SLC10A1: variants seen among roughly 807,000 people sequenced by gnomAD.
SLC10A1 encodes solute carrier family 10 member 1.
A neutral mutation model predicts 20.5 loss-of-function variants in SLC10A1; 36 were observed. The ratio of observed to expected loss-of-function variants is 1.75; its 90% confidence interval spans 1.34 to 2.32. The LOEUF is 2.32. Ranked by LOEUF, SLC10A1 falls within the 30% of genes most tolerant of loss-of-function variation. The pLI, the probability that SLC10A1 is intolerant of heterozygous loss-of-function variation, is 0.00. For synonymous variants in SLC10A1, 188 were observed against 163.6 expected (o/e 1.15, Z -1.14); for missense variants, 545 against 439.1 (o/e 1.24, Z -2.16).
chr14:69,781,898 C>T (rs1010895722), intron 2 of SLC10A1, among the ~76,000 whole-genome samples: 1 of 152,206 alleles, frequency 6.6e-6, no homozygotes, highest in African/African-American at 2.4e-5. Context: ...TGAGCAGATA[C>T]CTGCTGCCAG....
chr14:69,792,833 C>CAAAAAAAAAAAAAAAAAAA (rs4646288), intron 1 of SLC10A1, among the ~76,000 whole-genome samples: 1 of 122,234 alleles, frequency 8.2e-6, no homozygotes, highest in Non-Finnish European at 1.8e-5. Flanking sequence ...GCCTATTTCT[C>CAAAAAAAAAAAAAAAAAAA]AAAAAAAAAA....
chr14:69,784,633 C>G (rs909394938), intron 2 of SLC10A1, among the ~76,000 whole-genome samples: 1 of 152,102 alleles, frequency 6.6e-6, no homozygotes, highest in Non-Finnish European at 1.5e-5. Context: ...CAGTGAGAGA[C>G]ACTTTTTGTT....
At chr14:69,786,400 C>T in intron 1 of SLC10A1, 93 bp from the exon 2 acceptor site, 2 of 968,300 alleles carry the variant, frequency 2.1e-6, no homozygotes, top group Admixed American at 2.0e-5. Context: ...GTGCTAAGTG[C>T]TTGACATATG....
intron 2 of SLC10A1, among the ~76,000 whole-genome samples, chr14:69,782,267 T>A (rs1435528860): frequency 6.6e-6 from 1 of 152,226 alleles, no homozygotes; most frequent in Non-Finnish European, 1.5e-5. Context: ...TTTTATGTAG[T>A]CCCTTATTAC....
intron 1 of SLC10A1, among the ~76,000 whole-genome samples, chr14:69,788,038 GT>G (rs1408624074): frequency 6.6e-6 from 1 of 151,918 alleles, no homozygotes; most frequent in African/African-American, 2.4e-5. Flanking sequence ...AAAAAAAAAG[GT>G]GCCCACGGAC....
At chr14:69,789,096 A>ATGAGGATTACT (rs1018283025) in intron 1 of SLC10A1, among the ~76,000 whole-genome samples, 2 of 152,222 alleles carry the variant, frequency 1.3e-5, no homozygotes, top group Non-Finnish European at 2.9e-5. Context: ...AAAATTAGGA[A>ATGAGGATTACT]TCCTCATACA....
chr14:69,788,247 G>A (rs1883767827), intron 1 of SLC10A1, among the ~76,000 whole-genome samples: 1 of 151,356 alleles, frequency 6.6e-6, no homozygotes, highest in African/African-American at 2.4e-5. Flanking sequence ...GAGGGGAGGG[G>A]AACTTTCTAA....
chr14:69,777,578 G>GTTTTTTTTTT (rs4646293), intron 4 of SLC10A1, among the ~76,000 whole-genome samples: 9 of 72,446 alleles, frequency 1.2e-4, no homozygotes, highest in African/African-American at 4.2e-4. Context: ...TGAATGTCCT[G>GTTTTTTTTTT]TTTTTTTTTT....
intron 1 of SLC10A1, among the ~76,000 whole-genome samples, chr14:69,789,389 A>G (rs1353783219): frequency 6.6e-6 from 1 of 152,240 alleles, no homozygotes; most frequent in East Asian, 1.9e-4. Context: ...AAACAAATGA[A>G]GTATTGTGAC....
At chr14:69,791,302 T>A (rs945268087) in intron 1 of SLC10A1, among the ~76,000 whole-genome samples, 21 of 151,804 alleles carry the variant, frequency 1.4e-4, no homozygotes, top group African/African-American at 4.8e-4. Context: ...ATAGCTAACA[T>A]GATTTTTTTT....
intron 1 of SLC10A1, among the ~76,000 whole-genome samples, chr14:69,795,446 C>G (rs1001139692): frequency 6.9e-6 from 1 of 145,708 alleles, no homozygotes; most frequent in African/African-American, 2.6e-5. Context: ...CACTCTGTTG[C>G]CCAGGCTGGA....
At chr14:69,787,275 T>C (rs542997741) in intron 1 of SLC10A1, among the ~76,000 whole-genome samples, 1 of 152,368 alleles carries the variant, frequency 6.6e-6, no homozygotes, top group Admixed American at 6.5e-5. Context: ...ATTTGGAATC[T>C]TATATATGTT....
chr14:69,796,172 G>C (rs771192497), intron 1 of SLC10A1, among the ~76,000 whole-genome samples: 1 of 152,172 alleles, frequency 6.6e-6, no homozygotes, highest in Non-Finnish European at 1.5e-5. Flanking sequence ...CCCTTATCAG[G>C]GTGGCTGAGA....
intron 2 of SLC10A1, among the ~76,000 whole-genome samples, chr14:69,785,340 C>G (rs1883686970): frequency 6.6e-6 from 1 of 152,212 alleles, no homozygotes; most frequent in African/African-American, 2.4e-5. Context: ...TCTTGAAATG[C>G]TGGGAATGGG....
chr14:69,787,399 C>T (rs1883744573), intron 1 of SLC10A1, among the ~76,000 whole-genome samples: 1 of 152,144 alleles, frequency 6.6e-6, no homozygotes, highest in African/African-American at 2.4e-5. Context: ...ATGGCTCTGA[C>T]TTTTATTCCA....
chr14:69,797,203 C>A lies in SLC10A1; in HGVS notation c.-48G>T. 1 of 1,512,322 alleles carries A rather than the reference C, an allele frequency of 6.6e-7. No homozygotes were observed. Among genetic ancestry groups the A allele is most frequent in the Non-Finnish European group, 9.0e-7 (1 of 1,108,964 alleles). 93.7% of individuals were successfully genotyped at this position (1,512,322 alleles called of 1,614,324 possible). A position where few individuals can be genotyped will look rare whatever the true frequency, so the allele number is the denominator to read the frequency against. ...CCACTCCTTGTTCTCCGGCTGACTC[C>A]GTTTCTTGTGCAGTTCTTGCTGGAT... is the stretch of plus-strand genomic sequence containing the variant. On this transcript the variant is annotated 5_prime_UTR_variant, in exon 1 of 5. Coordinates refer to ENST00000216540, the MANE Select transcript of SLC10A1 (RefSeq NM_003049.4).
intron 4 of SLC10A1, among the ~76,000 whole-genome samples, chr14:69,777,804 GTTTCC>G (rs1265136179): frequency 2.6e-5 from 4 of 151,018 alleles, no homozygotes; most frequent in Non-Finnish European, 5.9e-5. Flanking sequence ...GTATGCTTAA[GTTTCC>G]TTTACTGCGT....
At chr14:69,779,144 G>C (rs1883523109) in intron 3 of SLC10A1, 38 bp downstream of exon 3, 2 of 1,494,250 alleles carry the variant, frequency 1.3e-6, no homozygotes, top group Admixed American at 2.1e-5. Flanking sequence ...CTGGGCAACA[G>C]AGTGAGACCC....
In SLC10A1 at chr14:69,778,498, A is replaced by G. The variant is rs202169699; in HGVS notation, c.778T>C (p.Cys260Arg). Residue 260 changes from cysteine (C) to arginine (R), a missense_variant, in exon 4 of 5, where the codon TGC (cysteine) becomes CGC (arginine). Physicochemically the swap from Cys to Arg is radical, Grantham distance 180. Coordinates refer to ENST00000216540, the MANE Select transcript of SLC10A1 (RefSeq NM_003049.4). ...GTGGAACAGAGTTGGACATTTTGGCATCCAGTCTCCATGCTGACAGTGCGT... is the reference window on the plus strand; with the variant it reads ...GTGGAACAGAGTTGGACATTTTGGCGTCCAGTCTCCATGCTGACAGTGCGT... ...CRRTVSMETG[C>R]QNVQLCSTIL... is the part of the protein sequence containing the mutation. 21 of 1,611,576 alleles carry G rather than the reference A, an allele frequency of 1.3e-5. No individual in the cohort carries two copies. Among genetic ancestry groups the G allele is most frequent in the Admixed American group, 6.7e-5 (4 of 59,704 alleles).
Sources: allele counts gnomAD v4.1 joint callset (sites outside exome capture counted in the v4.1 genomes callset), GRCh38; gene constraint gnomAD v4.1.1; transcripts MANE v1.5; gene names NCBI Gene and HGNC (gene_info 2026-07-23, HGNC 2026-07-21).